TTLL5: variants seen among roughly 807,000 people sequenced by gnomAD.
TTLL5 encodes tubulin polyglutamylase TTLL5.
A neutral mutation model predicts 168.4 loss-of-function variants in TTLL5; 132 were observed. That is an observed-to-expected ratio of 0.78 (90% CI 0.68 to 0.91). The LOEUF is 0.91. Ranked by LOEUF, TTLL5 falls within the 40% of genes least tolerant of loss-of-function variation. TTLL5 has a pLI of 0.00. For missense variants in TTLL5, 1,545 were observed against 1,581.5 expected, an observed-to-expected ratio of 0.98 and a Z score of 0.39; for synonymous variants, 546 against 558.6, an observed-to-expected ratio of 0.98 and a Z score of 0.32.
chr14:75,813,708 C>T (rs1370205904), intron 27 of TTLL5, among the ~76,000 whole-genome samples: 2 of 151,614 alleles, frequency 1.3e-5, no homozygotes, highest in Non-Finnish European at 2.9e-5. Flanking sequence ...TATAGTAGAA[C>T]GTTTTAAAGG....
At chr14:75,764,496 G>T in intron 18 of TTLL5, 119 bp from the exon 19 acceptor site, 1 of 1,208,728 alleles carries the variant, frequency 8.3e-7, no homozygotes, top group Non-Finnish European at 1.2e-6. Context: ...CAAACTTTTA[G>T]AATTCACTTG....
intron 29 of TTLL5, among the ~76,000 whole-genome samples, chr14:75,865,633 A>C (rs532652047): frequency 3.2e-4 from 49 of 152,268 alleles, no homozygotes; most frequent in African/African-American, 1.1e-3. Context: ...AAGGAGAGGC[A>C]GTTTTGTTGA....
chr14:75,904,315 A>G (rs981027577), intron 31 of TTLL5: 1 of 965,240 alleles, frequency 1.0e-6, no homozygotes, highest in African/African-American at 1.8e-5. Context: ...GTAATGGCAC[A>G]AGGGAATCAT....
At chr14:75,947,937 C>CT (rs1416040359) in intron 31 of TTLL5, among the ~76,000 whole-genome samples, 1 of 60,046 alleles carries the variant, frequency 1.7e-5, no homozygotes, top group Non-Finnish European at 3.2e-5. Context: ...AAGACCCTGT[C>CT]TCAAAAAAAA....
chr14:75,949,436 T>C (rs1213426835), intron 31 of TTLL5, among the ~76,000 whole-genome samples: 1 of 147,026 alleles, frequency 6.8e-6, no homozygotes, highest in Non-Finnish European at 1.5e-5. Context: ...ATATATTCTA[T>C]ATATATATAT....
intron 31 of TTLL5, among the ~76,000 whole-genome samples, chr14:75,953,035 AAAG>A (rs2035011000): frequency 2.6e-5 from 4 of 152,362 alleles, no homozygotes; most frequent in Admixed American, 2.6e-4. Flanking sequence ...ACATCTCAAA[AAAG>A]CTGTTTTTTA....
chr14:75,707,745 A>G (rs1296720718), intron 9 of TTLL5, 38 bp downstream of exon 9: 2 of 1,485,830 alleles, frequency 1.3e-6, no homozygotes. Context: ...TTGGGTGGGT[A>G]TATTAAGGGT....
At chr14:75,812,547 CTT>C (rs1894114754) in intron 27 of TTLL5, among the ~76,000 whole-genome samples, 1 of 152,142 alleles carries the variant, frequency 6.6e-6, no homozygotes, top group Non-Finnish European at 1.5e-5. Context: ...AATGATTACT[CTT>C]TTTAATGTTT....
At chr14:75,813,678 C>T (rs890734251) in intron 27 of TTLL5, among the ~76,000 whole-genome samples, 10 of 152,070 alleles carry the variant, frequency 6.6e-5, no homozygotes, top group South Asian at 2.1e-4. Context: ...GGATCTAAAA[C>T]GTAGCATATT....
intron 30 of TTLL5, among the ~76,000 whole-genome samples, chr14:75,895,861 T>C (rs8020986): frequency 0.88 from 134,328 of 152,190 alleles, 59,386 homozygotes; most frequent in South Asian, 0.92. Flanking sequence ...AGAACAGTGC[T>C]TCCAACTGTA....
chr14:75,788,654 G>T (rs1425703030), intron 26 of TTLL5, among the ~76,000 whole-genome samples: 2 of 151,940 alleles, frequency 1.3e-5, no homozygotes, highest in African/African-American at 4.8e-5. Context: ...TAGATTTATG[G>T]GTAAGTTCTA....
rs868770906 is a variant in TTLL5, at chr14:75,910,175, T to C, written c.3823+7951T>C. Among the ~76,000 whole-genome samples, 6 of 151,698 alleles carry C rather than the reference T, an allele frequency of 4.0e-5. No individual in the cohort carries two copies. The South Asian group carries it at 1.2e-3, about 32-fold the overall frequency. On this transcript the variant is annotated intron_variant, in intron 31 of 31. Coordinates refer to ENST00000298832, the MANE Select transcript of TTLL5 (RefSeq NM_015072.5). ...AACTGGCAAAATCCCAAGAGAGGAGTGATGATTCTTCAGTTATTAACAATT... is the reference window on the plus strand; with the variant it reads ...AACTGGCAAAATCCCAAGAGAGGAGCGATGATTCTTCAGTTATTAACAATT...
At chr14:75,781,053 G>A (rs1892018940) in intron 24 of TTLL5, among the ~76,000 whole-genome samples, 1 of 152,090 alleles carries the variant, frequency 6.6e-6, no homozygotes, top group African/African-American at 2.4e-5. Context: ...TTTGGCTAAG[G>A]GAGACAAAGG....
In TTLL5 at chr14:75,808,272, T is replaced by A. The variant is rs541238785; in HGVS notation, c.3172-11735T>A. ...TGGAGCTCAGCAGAAAGAGAAGATA[T>A]GCCAAGAGAATTTAGTGCTGAGGTA... is the stretch of plus-strand genomic sequence containing the variant. On this transcript the variant is annotated intron_variant, in intron 27 of 31. Coordinates refer to ENST00000298832, the MANE Select transcript of TTLL5 (RefSeq NM_015072.5). Among the ~76,000 whole-genome samples the A allele has an allele frequency of 5.3e-5, 8 of 152,304 alleles. No individual in the cohort carries two copies. In the South Asian group the frequency reaches 1.2e-3, roughly 24 times the overall value.
At chr14:75,707,758 GTA>G (rs1224807259) in intron 9 of TTLL5, 51 bp downstream of exon 9, 2 of 1,425,098 alleles carry the variant, frequency 1.4e-6, no homozygotes, top group East Asian at 4.6e-5. Context: ...TTAAGGGTGG[GTA>G]TATTAAGAGT....
At chr14:75,886,591 G>A in intron 30 of TTLL5, 1 of 1,252,062 alleles carries the variant, frequency 8.0e-7, no homozygotes, top group South Asian at 1.3e-5. Flanking sequence ...AATCTCATTT[G>A]TCAGTTCTGT....
chr14:75,727,922 T>C (rs1888286166), intron 12 of TTLL5: 1 of 447,378 alleles, frequency 2.2e-6, no homozygotes, highest in Non-Finnish European at 4.5e-6. Flanking sequence ...ATGGAAACAT[T>C]CTATGTGGGC....
chr14:75,753,031 G>C, intron 18 of TTLL5, 76 bp downstream of exon 18: 1 of 1,416,112 alleles, frequency 7.1e-7, no homozygotes, highest in Non-Finnish European at 9.9e-7. Flanking sequence ...GAAGGAAACA[G>C]ACCTTATAAA....
intron 28 of TTLL5, among the ~76,000 whole-genome samples, chr14:75,836,773 T>C (rs112401325): frequency 8.9e-4 from 135 of 152,216 alleles, no homozygotes; most frequent in African/African-American, 3.2e-3. Flanking sequence ...ACCTGTGAAG[T>C]TTTCTCAACA....
Sources: allele counts gnomAD v4.1 joint callset (sites outside exome capture counted in the v4.1 genomes callset), GRCh38; gene constraint gnomAD v4.1.1; transcripts MANE v1.5; gene names NCBI Gene and HGNC (gene_info 2026-07-23, HGNC 2026-07-21).